The following COL14A1 variants were observed in gnomAD, a reference collection of about 807,000 sequenced individuals.
COL14A1 encodes collagen alpha-1(XIV) chain.
A neutral mutation model predicts 230.3 loss-of-function variants in COL14A1; 136 were observed. The ratio of observed to expected loss-of-function variants is 0.59; its 90% CI spans 0.51 to 0.68. The LOEUF (loss-of-function observed/expected upper bound fraction) is 0.68, where lower values mean the gene tolerates loss of function less well. Among genes scored for constraint, COL14A1 ranks in the 30% least tolerant of loss-of-function variants. COL14A1 has a pLI of 0.00. For synonymous variants in COL14A1, 792 were observed against 784.1 expected, an observed-to-expected ratio of 1.01 and a Z score of -0.17; for missense variants, 1,976 against 2,215.8, an observed-to-expected ratio of 0.89 and a Z score of 2.17.
chr8:120,202,206 T>C (rs1817271550), intron 8 of COL14A1, among the ~76,000 whole-genome samples: 1 of 152,206 alleles, frequency 6.6e-6, no homozygotes, highest in African/African-American at 2.4e-5. Context: ...TAATGATGAA[T>C]AGGTGAGTTT....
chr8:120,285,930 G>A lies in COL14A1; in HGVS notation c.4037G>A (p.Gly1346Glu), dbSNP rs867291556. The A allele has an allele frequency of 1.6e-5, 25 of 1,611,314 alleles. No homozygotes were observed. The highest frequency in any genetic ancestry group is 2.0e-5 in the Non-Finnish European group (23 of 1,177,876). ...GATTTTCAAACTGTTACTTTCGAAG[G>A]ACCTGAAATTAGGAAAATTTTTTAT... Reference protein sequence around the residue: ...SGDFQTVTFEGPEIRKIFYGS... With the variant: ...SGDFQTVTFEEPEIRKIFYGS... Residue 1346 changes from glycine to glutamate, a missense_variant, in exon 33 of 48, where the codon GGA becomes GAA. This residue lies in a region of COL14A1 where 1,791 missense variants were observed against 2,019.5 expected (regional missense o/e 0.89). Transcript: ENST00000297848.
At chr8:120,164,629 C>T (rs963602241) in intron 4 of COL14A1, among the ~76,000 whole-genome samples, 5 of 152,200 alleles carry the variant, frequency 3.3e-5, no homozygotes, top group Non-Finnish European at 5.9e-5. Context: ...GGCAAATTCA[C>T]CTGTCAGCAG....
chr8:120,250,535 C>A (rs1818903602), intron 21 of COL14A1, 82 bp from the exon 22 acceptor site: 2 of 1,455,788 alleles, frequency 1.4e-6, no homozygotes, highest in Non-Finnish European at 9.6e-7. Flanking sequence ...GAAAAGCAGT[C>A]AAGTGAATAC....
chr8:120,318,750 A>T (rs957380626), intron 40 of COL14A1, among the ~76,000 whole-genome samples: 2 of 152,162 alleles, frequency 1.3e-5, no homozygotes, highest in Non-Finnish European at 2.9e-5. Flanking sequence ...GGGGAAAAAA[A>T]TAATTACAAC....
chr8:120,345,389 T>C lies in COL14A1; in HGVS notation c.4903T>C (p.Tyr1635His). 6.3e-7 allele frequency: 1 copy of C among 1,591,538 alleles called. No homozygotes were observed. ...TCATACCTCAGGTCACATGGCCAGGTACACTGCCATCCTCAACCAGATTCC... is the reference window on the plus strand; with the variant it reads ...TCATACCTCAGGTCACATGGCCAGGCACACTGCCATCCTCAACCAGATTCC... ...EQLIQSHMAR[Y>H]TAILNQIPSH... The change falls in exon 45 of 48, where the codon TAC becomes CAC. Residue 1635 changes from tyrosine to histidine, a missense_variant. By Grantham distance (83) the Tyr-to-His change is moderately conservative. Around this residue, in one of 3 missense-constraint regions of COL14A1, gnomAD observed 1,791 missense variants for 2,019.5 expected, o/e 0.89. Coordinates refer to ENST00000297848, the MANE Select transcript of COL14A1 (RefSeq NM_021110.4).
chr8:120,148,305 G>A (rs1815165390), intron 2 of COL14A1, among the ~76,000 whole-genome samples: 1 of 151,824 alleles, frequency 6.6e-6, no homozygotes, highest in Non-Finnish European at 1.5e-5. Context: ...GATAATTTTT[G>A]TATTTTTAGT....
intron 7 of COL14A1, among the ~76,000 whole-genome samples, chr8:120,198,212 G>A (rs1381730029): frequency 7.2e-5 from 11 of 152,056 alleles, no homozygotes; most frequent in Non-Finnish European, 7.4e-5. Flanking sequence ...ACTTTTGTCA[G>A]CTAATCTCTT....
At chr8:120,261,516 C>T (rs899278413) in intron 23 of COL14A1, among the ~76,000 whole-genome samples, 2 of 152,016 alleles carry the variant, frequency 1.3e-5, no homozygotes, top group African/African-American at 2.4e-5. Context: ...ATAATTAATC[C>T]AGATTCCTCA....
intron 13 of COL14A1, among the ~76,000 whole-genome samples, chr8:120,215,383 AAAAG>A (rs1484916792): frequency 8.6e-5 from 13 of 151,896 alleles, no homozygotes; most frequent in African/African-American, 2.9e-4. Context: ...AGAAAGAAAG[AAAAG>A]AAAGGAAGGA....
chr8:120,334,992 G>A (rs1026766827), intron 42 of COL14A1, among the ~76,000 whole-genome samples: 1 of 152,158 alleles, frequency 6.6e-6, no homozygotes. Flanking sequence ...TTGTGCATGA[G>A]GTTCTTATTC....
chr8:120,198,130 C>A (rs1817106870), intron 7 of COL14A1, among the ~76,000 whole-genome samples, 200 bp downstream of exon 7: 1 of 152,012 alleles, frequency 6.6e-6, no homozygotes, highest in Non-Finnish European at 1.5e-5. Flanking sequence ...CTATAATGTC[C>A]CAGGAAGGGC....
rs963257667 is a variant in COL14A1 at position 120,145,814 on chromosome 8, C to T, written c.-37-1992C>T. On this transcript the variant is annotated intron_variant, in intron 1 of 47. Transcript: ENST00000297848. Reference sequence around the variant, plus strand: ...AAAGTAGGTAAATAAGTTGTGATACCGCATATAGTAAAAGGGCATTTACTG... The same window carrying T: ...AAAGTAGGTAAATAAGTTGTGATACTGCATATAGTAAAAGGGCATTTACTG... Among the ~76,000 whole-genome samples the T allele has an allele frequency of 3.3e-5, 5 of 151,872 alleles. No individual in the cohort carries two copies. In the East Asian group the frequency reaches 5.8e-4, roughly 18 times the overall value.
intron 36 of COL14A1, among the ~76,000 whole-genome samples, chr8:120,307,809 T>C (rs1820899044): frequency 6.6e-6 from 1 of 152,188 alleles, no homozygotes; most frequent in African/African-American, 2.4e-5. Context: ...TCTTAAACTA[T>C]TGGCAGATCA....
At chr8:120,274,165 A>C (rs1351347628) in intron 26 of COL14A1, among the ~76,000 whole-genome samples, 1 of 151,772 alleles carries the variant, frequency 6.6e-6, no homozygotes, top group Non-Finnish European at 1.5e-5. Context: ...GGACACAGAG[A>C]GGGCTTAACA....
intron 5 of COL14A1, among the ~76,000 whole-genome samples, chr8:120,189,676 TTCCTGTG>T: frequency 7.6e-6 from 1 of 131,142 alleles, no homozygotes; most frequent in South Asian, 2.5e-4. Context: ...GATGTTCCCC[TTCCTGTG>T]TCCATGTGTT....
At chr8:120,342,281 G>A in intron 43 of COL14A1, 99 bp from the exon 44 acceptor site, 1 of 1,224,756 alleles carries the variant, frequency 8.2e-7, no homozygotes, top group East Asian at 2.4e-5. Flanking sequence ...AAAGATCCCT[G>A]ATGGGAACAA....
rs186230514 is a variant in COL14A1, at chr8:120,161,333, A to G, written c.206-1093A>G. Among the ~76,000 whole-genome samples, 391 of 152,334 alleles carry G rather than the reference A, an allele frequency of 2.6e-3. 2 individuals are homozygous for G. Among genetic ancestry groups the G allele is most frequent in the African/African-American group, 8.0e-3 (333 of 41,572 alleles). On this transcript the variant is annotated intron_variant, in intron 3 of 47. Coordinates refer to ENST00000297848, the MANE Select transcript of COL14A1 (RefSeq NM_021110.4). Reference sequence around the variant, plus strand: ...GTTTTAAATTAATTTTCCTTTTCTCAGACACATAATTGCAGGCAAAAATTA... The same window carrying G: ...GTTTTAAATTAATTTTCCTTTTCTCGGACACATAATTGCAGGCAAAAATTA...
chr8:120,278,834 G>A (rs1365944823), intron 28 of COL14A1, among the ~76,000 whole-genome samples: 2 of 151,952 alleles, frequency 1.3e-5, no homozygotes, highest in Non-Finnish European at 2.9e-5. Context: ...TAGCAATTAA[G>A]TACTGTAAGA....
At chr8:120,351,004 A>T (rs2130317621) in intron 45 of COL14A1, among the ~76,000 whole-genome samples, 1 of 150,620 alleles carries the variant, frequency 6.6e-6, no homozygotes, top group South Asian at 2.1e-4. Flanking sequence ...TCTCCTCAGC[A>T]AATGTAAAAG....
Sources: gnomAD v4.1 joint callset for allele counts (sites outside exome capture counted in the v4.1 genomes callset) on GRCh38, gnomAD v4.1.1 for gene constraint, gnomAD v4.1.1 regional missense constraint, MANE v1.5 for transcripts, NCBI Gene and HGNC (gene_info 2026-07-23, HGNC 2026-07-21) for gene names.